FBXW8: variants seen among roughly 807,000 people sequenced by gnomAD.
FBXW8 encodes F-box and WD repeat domain containing 8.
Under a neutral mutation model 65.3 loss-of-function variants are expected in FBXW8, and 57 were observed. The ratio of observed to expected loss-of-function variants is 0.87; its 90% CI spans 0.71 to 1.09. The LOEUF is 1.09. Ranked by LOEUF, FBXW8 falls within the 50% of genes least tolerant of loss-of-function variation. The pLI, the probability that FBXW8 is intolerant of heterozygous loss-of-function variation, is 0.00. For synonymous variants in FBXW8, 308 were observed against 330.2 expected (o/e 0.93, Z 0.73); for missense variants, 777 against 814.8 (o/e 0.95, Z 0.57).
intron 1 of FBXW8, among the ~76,000 whole-genome samples, chr12:116,923,160 C>G (rs1361135807): frequency 2.6e-5 from 4 of 152,130 alleles, no homozygotes; most frequent in African/African-American, 2.4e-5. Flanking sequence ...GAGCCAGGAT[C>G]GTGCCACTGC....
intron 1 of FBXW8, among the ~76,000 whole-genome samples, chr12:116,912,415 C>T (rs1373372916): frequency 6.6e-6 from 1 of 150,878 alleles, no homozygotes; most frequent in Non-Finnish European, 1.5e-5. Flanking sequence ...GTCTCAAACT[C>T]CTGGGCCCAA....
chr12:116,962,759 C>T (rs1884063724), intron 4 of FBXW8, among the ~76,000 whole-genome samples: 1 of 152,154 alleles, frequency 6.6e-6, no homozygotes, highest in Non-Finnish European at 1.5e-5. Context: ...AATCTAGTCC[C>T]CCAGTCTAGA....
intron 5 of FBXW8, among the ~76,000 whole-genome samples, chr12:116,974,081 A>T (rs1462596303): frequency 6.6e-6 from 1 of 152,170 alleles, no homozygotes; most frequent in Admixed American, 6.5e-5. Context: ...CCAAACAAGG[A>T]GGGGGACCTA....
chr12:116,928,528 CAG>C (rs1173491467), intron 2 of FBXW8, among the ~76,000 whole-genome samples: 3 of 152,176 alleles, frequency 2.0e-5, no homozygotes, highest in Non-Finnish European at 4.4e-5. Context: ...AGCACGAGGA[CAG>C]AACATGTTTT....
chr12:116,915,640 CTTTTTTTTTTTT>C (rs57687048), intron 1 of FBXW8, among the ~76,000 whole-genome samples: 96 of 77,204 alleles, frequency 1.2e-3, no homozygotes, highest in African/African-American at 4.5e-3. Flanking sequence ...CACCTGACTA[CTTTTTTTTTTTT>C]TTTTTTTTTT....
intron 3 of FBXW8, 47 bp from the exon 4 acceptor site, chr12:116,949,571 G>A: frequency 6.4e-7 from 1 of 1,561,532 alleles, no homozygotes; most frequent in Non-Finnish European, 8.8e-7. Context: ...TGGCTTTCGG[G>A]CTGTCCCGAG....
intron 8 of FBXW8, among the ~76,000 whole-genome samples, chr12:117,014,033 TC>T (rs1365646148): frequency 6.6e-6 from 1 of 152,166 alleles, no homozygotes; most frequent in Non-Finnish European, 1.5e-5. Context: ...ATTCCCTTTC[TC>T]CTCTCCTTCC....
At chr12:116,959,526 T>TA (rs1445081916) in intron 4 of FBXW8, among the ~76,000 whole-genome samples, 1 of 152,122 alleles carries the variant, frequency 6.6e-6, no homozygotes, top group Non-Finnish European at 1.5e-5. Context: ...GGAAGGGCCT[T>TA]AAAAAATTTT....
intron 4 of FBXW8, among the ~76,000 whole-genome samples, chr12:116,960,970 A>G (rs12313623): frequency 0.023 from 3,526 of 152,198 alleles, 122 homozygotes; most frequent in African/African-American, 0.077. Context: ...GTGATTCTCA[A>G]TCTTGGCTGT....
At chr12:116,942,195 A>AT (rs758383181) in intron 2 of FBXW8, among the ~76,000 whole-genome samples, 7,196 of 141,854 alleles carry the variant, frequency 0.051, 428 homozygotes, top group African/African-American at 0.15. Context: ...CATCTGGCTA[A>AT]TTTTTTTTTT....
chr12:116,966,219 G>T (rs1000249499), intron 5 of FBXW8, among the ~76,000 whole-genome samples: 1 of 152,140 alleles, frequency 6.6e-6, no homozygotes, highest in African/African-American at 2.4e-5. Flanking sequence ...TTGAGACCCT[G>T]GATAGATACC....
chr12:116,949,572 C>A, intron 3 of FBXW8, 46 bp from the exon 4 acceptor site: 1 of 1,557,828 alleles, frequency 6.4e-7, no homozygotes, highest in Non-Finnish European at 8.9e-7. Context: ...GGCTTTCGGG[C>A]TGTCCCGAGA....
chr12:116,954,006 TG>T (rs1883461329), intron 4 of FBXW8, among the ~76,000 whole-genome samples: 1 of 147,274 alleles, frequency 6.8e-6, no homozygotes, highest in Non-Finnish European at 1.5e-5. Context: ...CCTAGCTACT[TG>T]GGAGGCTGAG....
chr12:116,988,978 A>G, intron 7 of FBXW8, 109 bp downstream of exon 7: 1 of 1,009,440 alleles, frequency 9.9e-7, no homozygotes, highest in Middle Eastern at 3.2e-4. Flanking sequence ...ATATCAGGCC[A>G]GTATATAAGC....
chr12:116,975,659 A>T (rs1048590908), intron 5 of FBXW8, among the ~76,000 whole-genome samples: 2 of 152,242 alleles, frequency 1.3e-5, no homozygotes, highest in Non-Finnish European at 2.9e-5. Flanking sequence ...GATAGTTAAC[A>T]TGGCCAGTAA....
chr12:116,968,876 T>C (rs1592901917), intron 5 of FBXW8, among the ~76,000 whole-genome samples: 1 of 152,228 alleles, frequency 6.6e-6, no homozygotes. Flanking sequence ...GTTACTGTTA[T>C]GGCTTATTTT....
At chr12:116,935,338 G>C (rs1204188332) in intron 2 of FBXW8, among the ~76,000 whole-genome samples, 2 of 152,212 alleles carry the variant, frequency 1.3e-5, no homozygotes, top group Admixed American at 6.5e-5. Context: ...CTAAAATCCA[G>C]GTGCTTATAG....
chr12:117,010,352 C>A lies in FBXW8; in HGVS notation c.1269C>A (p.Arg423=). 2 of 1,614,238 alleles carry A rather than the reference C, an allele frequency of 1.2e-6. No homozygotes were observed. The highest frequency in any genetic ancestry group is 1.7e-6 in the Non-Finnish European group (2 of 1,180,050). Residue 423 remains arginine (R), a synonymous_variant, in exon 8 of 11, where the codon CGC becomes CGA. Transcript: ENST00000652555. ...KILVYSLEAG[R]RLLKLGNVLR... ...TGGTGTATAGCCTGGAAGCAGGACG[C>A]CGCCTCTTGAAGCTGGGTAACGTTC...
intron 1 of FBXW8, among the ~76,000 whole-genome samples, chr12:116,923,066 T>C (rs1162121591): frequency 6.6e-6 from 1 of 152,054 alleles, no homozygotes; most frequent in Non-Finnish European, 1.5e-5. Context: ...ATTAGCTAGA[T>C]GTGGTGATGT....
Sources: gnomAD v4.1 joint callset for allele counts (sites outside exome capture counted in the v4.1 genomes callset) on GRCh38, gnomAD v4.1.1 for gene constraint, MANE v1.5 for transcripts, NCBI Gene and HGNC (gene_info 2026-07-23, HGNC 2026-07-21) for gene names.